The following ECM2 variants were observed in gnomAD, a reference collection of about 807,000 sequenced individuals.
ECM2 encodes the protein extracellular matrix protein 2, female organ and adipocyte specific.
Under a neutral mutation model 67.5 loss-of-function variants are expected in ECM2, and 57 were observed. That is an observed-to-expected ratio of 0.84 (90% CI 0.68 to 1.05). The LOEUF is 1.05. ECM2 is among the 50% of genes least tolerant of loss of function. The pLI, the probability that ECM2 is intolerant of heterozygous loss-of-function variation, is 0.00. For missense variants in ECM2, 741 were observed against 822.8 expected, an observed-to-expected ratio of 0.90 and a Z score of 1.22; for synonymous variants, 258 against 294.5, an observed-to-expected ratio of 0.88 and a Z score of 1.27.
At chr9:92,496,941 A>G (rs1194728441) in intron 9 of ECM2, among the ~76,000 whole-genome samples, 1 of 118,618 alleles carries the variant, frequency 8.4e-6, no homozygotes, top group Non-Finnish European at 1.9e-5. Flanking sequence ...TAAGGTTTGC[A>G]AAAAAAAAAA....
chr9:92,552,190 TAC>T, the ECM2 span, among the ~76,000 whole-genome samples: 3,740 of 106,404 alleles, frequency 0.035, 189 homozygotes, highest in South Asian at 0.11. Flanking sequence ...ATCTATCATA[TAC>T]ACACACACAC....
intron 9 of ECM2, among the ~76,000 whole-genome samples, chr9:92,498,917 T>G (rs1398887043): frequency 6.6e-6 from 1 of 152,240 alleles, no homozygotes; most frequent in Non-Finnish European, 1.5e-5. Flanking sequence ...GAACTTACTT[T>G]CTTTTCAAAA....
chr9:92,535,028 CA>C (rs1849080616), intron 1 of ECM2, among the ~76,000 whole-genome samples: 1 of 152,098 alleles, frequency 6.6e-6, no homozygotes, highest in South Asian at 2.1e-4. Flanking sequence ...GTGAATGTGC[CA>C]GCTGTGGCCA....
chr9:92,556,972 G>A, the ECM2 span, among the ~76,000 whole-genome samples: 7 of 152,162 alleles, frequency 4.6e-5, no homozygotes, highest in Non-Finnish European at 1.0e-4. Context: ...GTATTTCCAG[G>A]ATTTGTTTCA....
At chr9:92,544,014 A>C in the ECM2 span, among the ~76,000 whole-genome samples, 1 of 152,154 alleles carries the variant, frequency 6.6e-6, no homozygotes, top group Non-Finnish European at 1.5e-5. Context: ...TCCATTTTAG[A>C]TATTTTTTAT....
intron 9 of ECM2, among the ~76,000 whole-genome samples, chr9:92,496,789 C>T (rs1846369267): frequency 6.6e-6 from 1 of 151,980 alleles, no homozygotes; most frequent in African/African-American, 2.4e-5. Context: ...CAAAGTTAAA[C>T]AACATGACAA....
In ECM2 at chr9:92,514,865, CCT is replaced by C; in HGVS notation, c.818_819del (p.Glu273GlyfsTer2). ...CCCTCCTCACCCTCCTCCTCCTCAT[CCT>C]CCTCCTCCTCCCTTCCTTGGCGTTG... ...QQQRQGREEE[E>X]DEEEEGEEGE... On this transcript the variant is annotated frameshift_variant, in exon 4 of 10. Coordinates refer to ENST00000344604, the MANE Select transcript of ECM2 (RefSeq NM_001393.4). LOFTEE classifies it high-confidence loss of function. The C allele has an allele frequency of 1.9e-6, 3 of 1,604,576 alleles. No homozygotes were observed. The South Asian group carries it at 3.3e-5, about 18-fold the overall frequency.
At chr9:92,557,922 C>T in the ECM2 span, among the ~76,000 whole-genome samples, 2 of 152,240 alleles carry the variant, frequency 1.3e-5, no homozygotes, top group East Asian at 1.9e-4. Context: ...GGATTACAGG[C>T]GTGAGCCACC....
At chr9:92,541,676 A>T in the ECM2 span, among the ~76,000 whole-genome samples, 1 of 151,892 alleles carries the variant, frequency 6.6e-6, no homozygotes, top group Non-Finnish European at 1.5e-5. Context: ...TTTCATATAT[A>T]CATTTTCTTT....
At position 92,517,595 on chromosome 9, in the gene ECM2, T is replaced by A; in HGVS notation, c.481+92A>T. The A allele has an allele frequency of 3.2e-6, 5 of 1,539,630 alleles. No individual in the cohort carries two copies. The Admixed American group carries it at 5.1e-5, about 16-fold the overall frequency. ...TTTAAGTACTCAGATCTGACTAATGTATCATAATTTTAATCTAAAATTAGT... is the reference window on the plus strand; with the variant it reads ...TTTAAGTACTCAGATCTGACTAATGAATCATAATTTTAATCTAAAATTAGT... On this transcript the variant is annotated intron_variant, in intron 3 of 9. Transcript: ENST00000344604.
chr9:92,513,367 A>AC (rs141244091), intron 4 of ECM2, among the ~76,000 whole-genome samples: 2 of 152,234 alleles, frequency 1.3e-5, no homozygotes, highest in East Asian at 3.9e-4. Context: ...TGGGAAAGGA[A>AC]CAGCCACTTT....
intron 6 of ECM2, among the ~76,000 whole-genome samples, chr9:92,508,268 G>T (rs79337188): frequency 6.6e-6 from 1 of 152,322 alleles, no homozygotes; most frequent in South Asian, 2.1e-4. Flanking sequence ...TATCTGAGCC[G>T]GAGGACAGAA....
intron 9 of ECM2, among the ~76,000 whole-genome samples, chr9:92,496,940 C>CAAA (rs34069793): frequency 8.9e-6 from 1 of 112,226 alleles, no homozygotes; most frequent in African/African-American, 3.3e-5. Flanking sequence ...ATAAGGTTTG[C>CAAA]AAAAAAAAAA....
chr9:92,533,265 A>AC (rs1349066739), intron 1 of ECM2, among the ~76,000 whole-genome samples: 20 of 129,276 alleles, frequency 1.5e-4, no homozygotes, highest in African/African-American at 5.5e-4. Context: ...ACACCACTGC[A>AC]CCCCAGCCTG....
Position 92,517,739 on chromosome 9 carries a change from G to A in ECM2, c.429C>T (p.Cys143=). 1 of 1,614,170 alleles carries A rather than the reference G, an allele frequency of 6.2e-7. No homozygotes were observed. Among genetic ancestry groups the A allele is most frequent in the East Asian group, 2.2e-5 (1 of 44,876 alleles). Residue 143 remains cysteine, a synonymous_variant, in exon 3 of 10, where the codon TGC becomes TGT. Transcript: ENST00000344604. ...CDETMCHPQR[C]PQTVIPEGEC... ...CCCCTTCAGGTATAACTGTTTGGGG[G>A]CACCTCTGGGGATGGCACATGGTTT...
chr9:92,495,028 TAA>T (rs147257894), downstream of ECM2, among the ~76,000 whole-genome samples: 5,460 of 152,330 alleles, frequency 0.036, 149 homozygotes, highest in Non-Finnish European at 0.053. Flanking sequence ...TTATATGAGA[TAA>T]TAACTGCATT....
At chr9:92,512,207 T>C (rs1322311710) in intron 4 of ECM2, 81 bp from the exon 5 acceptor site, 1 of 833,688 alleles carries the variant, frequency 1.2e-6, no homozygotes, top group Non-Finnish European at 1.9e-6. Flanking sequence ...TGTGCATAGA[T>C]ATCAAGAGAG....
chr9:92,532,015 G>GGTT (rs1848796284), intron 1 of ECM2, among the ~76,000 whole-genome samples: 4 of 95,736 alleles, frequency 4.2e-5, no homozygotes, highest in Non-Finnish European at 1.9e-5. Context: ...TTTATTTAAT[G>GGTT]TTTTTTTTTT....
At chr9:92,517,391 T>A in intron 3 of ECM2, 2 of 551,446 alleles carry the variant, frequency 3.6e-6, no homozygotes. Context: ...GAATTCAGGA[T>A]CTGTTGTAGA....
Sources: gnomAD v4.1 joint callset for allele counts (sites outside exome capture counted in the v4.1 genomes callset) on GRCh38, gnomAD v4.1.1 for gene constraint, MANE v1.5 for transcripts, NCBI Gene and HGNC (gene_info 2026-07-23, HGNC 2026-07-21) for gene names.